The following PIK3C3 variants were observed in gnomAD, a reference collection of about 807,000 sequenced individuals.
PIK3C3 encodes PI3-kinase type 3.
Under a neutral mutation model 126.1 loss-of-function variants are expected in PIK3C3, and 95 were observed. The ratio of observed to expected loss-of-function variants is 0.75; its 90% CI spans 0.64 to 0.89. The LOEUF (loss-of-function observed/expected upper bound fraction) is 0.89. Among genes scored for constraint, PIK3C3 ranks in the 40% least tolerant of loss-of-function variants. PIK3C3 has a pLI of 0.00. For missense variants in PIK3C3, 829 were observed against 1,063.2 expected (o/e 0.78, Z 3.06); for synonymous variants, 374 against 360.0 (o/e 1.04, Z -0.44).
chr18:42,080,812 A>C (rs1986220275), intron 24 of PIK3C3, among the ~76,000 whole-genome samples: 1 of 152,154 alleles, frequency 6.6e-6, no homozygotes, highest in Non-Finnish European at 1.5e-5. Flanking sequence ...TTTAGAATTC[A>C]GTGGAATTTT....
chr18:42,080,076 T>G (rs944989295), intron 24 of PIK3C3, among the ~76,000 whole-genome samples: 5 of 151,734 alleles, frequency 3.3e-5, no homozygotes, highest in Non-Finnish European at 7.4e-5. Flanking sequence ...TGTCTTAATT[T>G]GAGATCTCCC....
At chr18:42,009,621 TTATGTAATG>T (rs1982709438) in intron 10 of PIK3C3, among the ~76,000 whole-genome samples, 4 of 148,796 alleles carry the variant, frequency 2.7e-5, no homozygotes, top group African/African-American at 1.0e-4. Flanking sequence ...GTAGACTACA[TTATGTAATG>T]TACATTATGT....
intron 10 of PIK3C3, among the ~76,000 whole-genome samples, chr18:42,007,249 A>G (rs1982596549): frequency 6.6e-6 from 1 of 152,170 alleles, no homozygotes; most frequent in Admixed American, 6.5e-5. Flanking sequence ...TTTGCAGACA[A>G]TCCCCATAAG....
At chr18:42,050,965 A>G (rs976049060) in intron 21 of PIK3C3, 1 of 152,258 alleles carries the variant, frequency 6.6e-6, no homozygotes, top group Admixed American at 6.5e-5. Context: ...CTTGATCTGT[A>G]ATAACATATC....
intron 4 of PIK3C3, among the ~76,000 whole-genome samples, chr18:41,982,469 T>G (rs1981255920): frequency 6.6e-6 from 1 of 152,202 alleles, no homozygotes; most frequent in African/African-American, 2.4e-5. Context: ...TAGGGCTTTA[T>G]TCTTTGAGCT....
At chr18:42,079,835 C>T (rs1313085547) in intron 24 of PIK3C3, among the ~76,000 whole-genome samples, 1 of 152,136 alleles carries the variant, frequency 6.6e-6, no homozygotes, top group East Asian at 1.9e-4. Context: ...TCTTCAAAAG[C>T]CTTCAAAAAG....
Position 42,085,197 on chromosome 18 carries a change from TC to T in PIK3C3, c.*4061del, listed in dbSNP as rs1986374452. On this transcript the variant is annotated 3_prime_UTR_variant, in exon 25 of 25. Coordinates refer to ENST00000262039, the MANE Select transcript of PIK3C3 (RefSeq NM_002647.4). ...ACTGGTAAGTGAAAGTTCATTTTGT[TC>T]AGTGCTATGGGCTGGTACATTGCAT... 1 of 152,170 alleles carries T rather than the reference TC, an allele frequency of 6.6e-6. No homozygotes were observed. Among genetic ancestry groups the T allele is most frequent in the African/African-American group, 2.4e-5 (1 of 41,452 alleles). 9.4% of individuals were successfully genotyped at this position (152,170 alleles called of 1,614,324 possible). A position where few individuals can be genotyped will look rare whatever the true frequency, so the allele number is the denominator to read the frequency against.
intron 24 of PIK3C3, among the ~76,000 whole-genome samples, chr18:42,075,710 TTA>T (rs1191794404): frequency 2.0e-5 from 3 of 149,430 alleles, no homozygotes; most frequent in South Asian, 4.2e-4. Context: ...TAATATACAT[TTA>T]TATATATGTA....
intron 15 of PIK3C3, among the ~76,000 whole-genome samples, chr18:42,032,176 C>T (rs979424194): frequency 6.6e-6 from 1 of 152,116 alleles, no homozygotes; most frequent in Non-Finnish European, 1.5e-5. Flanking sequence ...TTGTTCCAGC[C>T]AGAGGAATAG....
At chr18:41,957,441 G>A in intron 1 of PIK3C3, 129 bp from the exon 2 acceptor site, 1 of 811,804 alleles carries the variant, frequency 1.2e-6, no homozygotes, top group Non-Finnish European at 1.8e-6. Flanking sequence ...TTAACACAAA[G>A]GTAAACTTTT....
At chr18:42,029,623 A>G (rs1598911621) in intron 15 of PIK3C3, among the ~76,000 whole-genome samples, 182 bp downstream of exon 15, 1 of 137,118 alleles carries the variant, frequency 7.3e-6, no homozygotes, top group South Asian at 2.4e-4. Flanking sequence ...GCTCACTGCA[A>G]CCCCCACTTC....
At chr18:42,019,609 C>G (rs904384369) in intron 12 of PIK3C3, among the ~76,000 whole-genome samples, 11 of 152,124 alleles carry the variant, frequency 7.2e-5, no homozygotes, top group African/African-American at 2.7e-4. Context: ...ACTTTCCTCT[C>G]TCCTTGATAT....
At chr18:42,079,994 A>AGTGT (rs1434923121) in intron 24 of PIK3C3, among the ~76,000 whole-genome samples, 1 of 136,284 alleles carries the variant, frequency 7.3e-6, no homozygotes, top group Non-Finnish European at 1.5e-5. Flanking sequence ...TATGTAAGAG[A>AGTGT]GAGAGTGTGT....
rs951744348 is a variant in PIK3C3, at chr18:42,084,713, C to G, written c.*3576C>G. On this transcript the variant is annotated 3_prime_UTR_variant, in exon 25 of 25. Transcript: ENST00000262039. ...TCCGATAAGTGGCTGCACTAGACCA[C>G]AGGAACCAGACTCCACTGTAAGAAC... The G allele has an allele frequency of 6.6e-6, 1 of 151,906 alleles. No individual in the cohort carries two copies. Among genetic ancestry groups the G allele is most frequent in the African/African-American group, 2.4e-5 (1 of 41,352 alleles). The allele number at this position is 151,906 out of a possible 1,614,324, so 9.4% of individuals were successfully genotyped here.
intron 24 of PIK3C3, chr18:42,070,595 G>A (rs1301275028): frequency 6.6e-6 from 1 of 152,060 alleles, no homozygotes; most frequent in East Asian, 1.9e-4. Flanking sequence ...GAAGGACTTT[G>A]GTTTACCAAA....
At chr18:42,014,774 T>C (rs1296574527) in intron 11 of PIK3C3, among the ~76,000 whole-genome samples, 1 of 152,216 alleles carries the variant, frequency 6.6e-6, no homozygotes, top group Admixed American at 6.5e-5. Flanking sequence ...AATTTTTCTT[T>C]ATGATTATGG....
chr18:41,986,566 G>T (rs1210855376), intron 4 of PIK3C3, among the ~76,000 whole-genome samples: 2 of 152,024 alleles, frequency 1.3e-5, no homozygotes, highest in Non-Finnish European at 2.9e-5. Flanking sequence ...TATTAAGGTT[G>T]GAACTCTGGT....
intron 20 of PIK3C3, among the ~76,000 whole-genome samples, chr18:42,047,604 C>T (rs1176938092): frequency 5.9e-5 from 9 of 152,124 alleles, no homozygotes; most frequent in African/African-American, 1.4e-4. Context: ...GGGCCTTACC[C>T]GACTTCTGTG....
chr18:41,958,495 T>A (rs1041125039), intron 2 of PIK3C3, among the ~76,000 whole-genome samples: 5 of 152,144 alleles, frequency 3.3e-5, no homozygotes, highest in African/African-American at 1.2e-4. Context: ...GACTGTGCCA[T>A]AGAGGGTTCA....
Sources: gnomAD v4.1 joint callset for allele counts (sites outside exome capture counted in the v4.1 genomes callset) on GRCh38, gnomAD v4.1.1 for gene constraint, MANE v1.5 for transcripts, NCBI Gene and HGNC (gene_info 2026-07-23, HGNC 2026-07-21) for gene names.